AEBP2: variants seen among roughly 807,000 people sequenced by gnomAD.
AEBP2 encodes the protein zinc finger protein AEBP2.
AEBP2 carries 10 observed loss-of-function variants against 50.8 expected under a neutral mutation model. That is an observed-to-expected ratio of 0.20 (90% CI 0.12 to 0.33). The LOEUF (loss-of-function observed/expected upper bound fraction) is 0.33. Ranked by LOEUF, AEBP2 falls within the 10% of genes least tolerant of loss-of-function variation. The pLI, the probability that AEBP2 is intolerant of heterozygous loss-of-function variation, is 1.00. For synonymous variants in AEBP2, 296 were observed against 261.3 expected (o/e 1.13, Z -1.28); for missense variants, 570 against 688.0 (o/e 0.83, Z 1.92).
At chr12:19,455,388 A>G (rs760278151) in intron 1 of AEBP2, among the ~76,000 whole-genome samples, 2 of 152,156 alleles carry the variant, frequency 1.3e-5, no homozygotes, top group African/African-American at 2.4e-5. Flanking sequence ...ATTATTTGCA[A>G]TGTGTAATCA....
Position 19,439,813 on chromosome 12 carries a change from GGAGGAGGAA to G in AEBP2, c.123_131del (p.Glu46_Glu48del), listed in dbSNP as rs748295050. 3.3e-6 allele frequency: 5 copies of G among 1,509,826 alleles called. No homozygotes were observed. The highest frequency in any genetic ancestry group is 1.2e-5 in the South Asian group (1 of 82,574). 93.5% of individuals were successfully genotyped at this position (1,509,826 alleles called of 1,614,324 possible). A position where few individuals can be genotyped will look rare whatever the true frequency, so the allele number is the denominator to read the frequency against. On this transcript the variant is annotated inframe_deletion, in exon 1 of 8. Coordinates refer to ENST00000266508, the MANE Select transcript of AEBP2 (RefSeq NM_153207.5). ...GGGGCCGGGCTGAGCCCCCCGAGGAGGAGGAGGAAGAGGAGGAGGAGGAAGAGGAGGCGG... is the reference window on the plus strand; with the variant it reads ...GGGGCCGGGCTGAGCCCCCCGAGGAGGAGGAGGAGGAGGAAGAGGAGGCGG...
chr12:19,404,802 G>A (rs116602957), intron 1 of AEBP2, among the ~76,000 whole-genome samples: 2 of 152,066 alleles, frequency 1.3e-5, no homozygotes, highest in Non-Finnish European at 2.9e-5. Flanking sequence ...CCTTATCTGA[G>A]GTCTATGTGG....
chr12:19,477,283 G>A (rs978965316), intron 3 of AEBP2, among the ~76,000 whole-genome samples: 6 of 152,094 alleles, frequency 3.9e-5, no homozygotes, highest in Admixed American at 6.6e-5. Context: ...TACCTATTCG[G>A]ATGTCCTTTA....
rs1949392699 is a variant in AEBP2 at position 19,521,202 on chromosome 12, C to G, written c.*3085C>G. 1 of 152,158 alleles carries G rather than the reference C, an allele frequency of 6.6e-6. No homozygotes were observed. The highest frequency in any genetic ancestry group is 6.5e-5 in the Admixed American group (1 of 15,272). The allele number at this position is 152,158 out of a possible 1,614,324, so 9.4% of individuals were successfully genotyped here. The stretch of plus-strand genomic sequence containing the variant: ...TTGACAAAAAGTTTGGAAACATAAA[C>G]TTAGACCACACAACTTGCATTTTAA... On this transcript the variant is annotated 3_prime_UTR_variant, in exon 8 of 8. Coordinates refer to ENST00000266508, the MANE Select transcript of AEBP2 (RefSeq NM_153207.5).
intron 3 of AEBP2, among the ~76,000 whole-genome samples, chr12:19,480,979 A>AT (rs1002084590): frequency 6.2e-5 from 9 of 144,572 alleles, no homozygotes; most frequent in Non-Finnish European, 9.1e-5. Context: ...GACTTTGTTA[A>AT]TTTTTTTTTA....
intron 4 of AEBP2, among the ~76,000 whole-genome samples, chr12:19,496,650 GT>G (rs951509017): frequency 1.4e-4 from 20 of 138,854 alleles, no homozygotes; most frequent in Admixed American, 6.5e-4. Flanking sequence ...GATAAAATTT[GT>G]TTTTTTTTTA....
intron 3 of AEBP2, among the ~76,000 whole-genome samples, chr12:19,476,804 C>T (rs1039821731): frequency 5.9e-5 from 9 of 152,134 alleles, no homozygotes; most frequent in Non-Finnish European, 8.8e-5. Flanking sequence ...GGCTCTCTTT[C>T]GGTTCCATAT....
At chr12:19,505,533 A>T (rs547850489) in intron 5 of AEBP2, among the ~76,000 whole-genome samples, 166 of 152,364 alleles carry the variant, frequency 1.1e-3, no homozygotes, top group African/African-American at 3.9e-3. Flanking sequence ...TTCAATTATT[A>T]GTGGGGTATA....
At chr12:19,467,912 G>A (rs1948506723) in intron 2 of AEBP2, among the ~76,000 whole-genome samples, 1 of 151,968 alleles carries the variant, frequency 6.6e-6, no homozygotes, top group Non-Finnish European at 1.5e-5. Context: ...TTGTGGGCAA[G>A]GGAGGAATAT....
chr12:19,492,990 CCAAAATA>C (rs1424432549), intron 3 of AEBP2, among the ~76,000 whole-genome samples: 2 of 152,044 alleles, frequency 1.3e-5, no homozygotes, highest in East Asian at 3.9e-4. Flanking sequence ...AAAACAAAAC[CCAAAATA>C]CAAAATACAT....
At chr12:19,508,005 T>G (rs952997581) in intron 5 of AEBP2, among the ~76,000 whole-genome samples, 2 of 152,250 alleles carry the variant, frequency 1.3e-5, no homozygotes, top group African/African-American at 4.8e-5. Flanking sequence ...ATATTTTCTT[T>G]CGAGCCTTCT....
chr12:19,505,416 A>T (rs1949142180), intron 5 of AEBP2, among the ~76,000 whole-genome samples: 1 of 152,254 alleles, frequency 6.6e-6, no homozygotes, highest in South Asian at 2.1e-4. Context: ...AAAACAGATT[A>T]AAACCAACCA....
At chr12:19,517,788 G>A (rs1949341676) in intron 7 of AEBP2, among the ~76,000 whole-genome samples, 1 of 152,204 alleles carries the variant, frequency 6.6e-6, no homozygotes, top group South Asian at 2.1e-4. Flanking sequence ...TTACAGGCAT[G>A]AGCCTCTGGG....
chr12:19,408,044 T>G (rs1392676223), intron 1 of AEBP2, among the ~76,000 whole-genome samples: 1 of 136,658 alleles, frequency 7.3e-6, no homozygotes, highest in East Asian at 2.2e-4. Context: ...AGAGTGAAAC[T>G]CTGTCTCAAA....
intron 4 of AEBP2, among the ~76,000 whole-genome samples, chr12:19,498,401 A>AT (rs1394201569): frequency 1.3e-5 from 2 of 151,638 alleles, no homozygotes; most frequent in Admixed American, 6.6e-5. Flanking sequence ...TGTTTTGTTT[A>AT]TTTTTTCTTG....
chr12:19,497,928 AAT>A (rs569294312), intron 4 of AEBP2, among the ~76,000 whole-genome samples: 2 of 152,376 alleles, frequency 1.3e-5, no homozygotes, highest in African/African-American at 4.8e-5. Context: ...GAGATGAAGA[AAT>A]TAACAAGGGT....
intron 1 of AEBP2, among the ~76,000 whole-genome samples, chr12:19,449,493 G>A (rs1465470617): frequency 6.6e-6 from 1 of 152,174 alleles, no homozygotes; most frequent in Non-Finnish European, 1.5e-5. Context: ...TCAGTGCGTA[G>A]TGGTGATAAA....
In AEBP2 at chr12:19,473,250, A is replaced by G. The variant is rs1948597371; in HGVS notation, c.882A>G (p.Val294=). The change falls in exon 3 of 8, where the codon GTA becomes GTG. Residue 294 remains valine, a splice_region_variant and synonymous_variant. Coordinates refer to ENST00000266508, the MANE Select transcript of AEBP2 (RefSeq NM_153207.5). ...TATGGTTCTGTTTTTCTTAACAGGT[A>G]TTTGTTTGCTTATGGAAAGGTTGTA... ...SIHVDGQRGG[V]FVCLWKGCKV... is the part of the protein sequence containing the mutation. 2 of 1,443,154 alleles carry G rather than the reference A, an allele frequency of 1.4e-6. No homozygotes were observed. The highest frequency in any genetic ancestry group is 1.8e-6 in the Non-Finnish European group (2 of 1,089,368). 89.4% of individuals were successfully genotyped at this position (1,443,154 alleles called of 1,614,324 possible). A position where few individuals can be genotyped will look rare whatever the true frequency, so the allele number is the denominator to read the frequency against.
At chr12:19,427,212 A>C (rs1168684127) in intron 1 of AEBP2, among the ~76,000 whole-genome samples, 4 of 152,028 alleles carry the variant, frequency 2.6e-5, no homozygotes, top group Non-Finnish European at 5.9e-5. Flanking sequence ...CCCCATCTCT[A>C]CTAAAAATAC....
Sources: gnomAD v4.1 joint callset for allele counts (sites outside exome capture counted in the v4.1 genomes callset) on GRCh38, gnomAD v4.1.1 for gene constraint, MANE v1.5 for transcripts, NCBI Gene and HGNC (gene_info 2026-07-23, HGNC 2026-07-21) for gene names.